Variants in LDB2 observed in about 807,000 individuals in gnomAD.
LDB2 encodes LIM domain binding 2.
LDB2 carries 12 observed loss-of-function variants against 44.3 expected under a neutral mutation model. The ratio of observed to expected loss-of-function variants is 0.27; its 90% CI spans 0.17 to 0.44. LDB2 has a LOEUF of 0.44. Among genes scored for constraint, LDB2 ranks in the 20% least tolerant of loss-of-function variants. The pLI, the probability that LDB2 is intolerant of heterozygous loss-of-function variation, is 1.00. For missense variants in LDB2, 344 were observed against 473.5 expected, an observed-to-expected ratio of 0.73 and a Z score of 2.54; for synonymous variants, 164 against 174.8, an observed-to-expected ratio of 0.94 and a Z score of 0.49.
chr4:16,644,334 C>G (rs1157445563), intron 2 of LDB2, among the ~76,000 whole-genome samples: 2 of 152,132 alleles, frequency 1.3e-5, no homozygotes, highest in Non-Finnish European at 2.9e-5. Context: ...AAGGGCTGAT[C>G]TAATGCCATT....
At chr4:16,718,744 T>G (rs1757611816) in intron 2 of LDB2, among the ~76,000 whole-genome samples, 1 of 152,164 alleles carries the variant, frequency 6.6e-6, no homozygotes, top group Admixed American at 6.6e-5. Context: ...CCAGTTTAAC[T>G]TAGAGAAATC....
intron 2 of LDB2, among the ~76,000 whole-genome samples, chr4:16,736,611 T>C (rs574704493): frequency 5.6e-4 from 86 of 152,350 alleles, no homozygotes; most frequent in Non-Finnish European, 1.1e-3. Flanking sequence ...CACAAGTGGT[T>C]GTGTGGGCAA....
chr4:16,709,894 T>G (rs1053569776), intron 2 of LDB2, among the ~76,000 whole-genome samples: 4 of 152,280 alleles, frequency 2.6e-5, no homozygotes, highest in African/African-American at 9.6e-5. Flanking sequence ...CTGGCCAATT[T>G]TACGCATCCA....
chr4:16,541,217 T>G (rs1577505254), intron 5 of LDB2, among the ~76,000 whole-genome samples: 1 of 151,626 alleles, frequency 6.6e-6, no homozygotes, highest in Non-Finnish European at 1.5e-5. Flanking sequence ...ATCATGGGGG[T>G]GGGTTTCTTA....
At chr4:16,720,429 G>T (rs1032807876) in intron 2 of LDB2, among the ~76,000 whole-genome samples, 1 of 152,078 alleles carries the variant, frequency 6.6e-6, no homozygotes, top group Non-Finnish European at 1.5e-5. Context: ...AGATTGCTAA[G>T]CCATCCCCAA....
At chr4:16,699,145 G>C (rs1752856629) in intron 2 of LDB2, among the ~76,000 whole-genome samples, 1 of 152,224 alleles carries the variant, frequency 6.6e-6, no homozygotes, top group Non-Finnish European at 1.5e-5. Context: ...AGCAGGAGAT[G>C]ATGGCATCTT....
At chr4:16,509,959 A>G (rs1361461356) in intron 6 of LDB2, among the ~76,000 whole-genome samples, 3 of 152,140 alleles carry the variant, frequency 2.0e-5, no homozygotes, top group Non-Finnish European at 4.4e-5. Context: ...TACAAAATAT[A>G]CACAGATTAG....
At chr4:16,594,731 C>T (rs1344495387) in intron 3 of LDB2, among the ~76,000 whole-genome samples, 1 of 152,170 alleles carries the variant, frequency 6.6e-6, no homozygotes, top group Admixed American at 6.5e-5. Flanking sequence ...ATACATTGGG[C>T]TTCTGCAATT....
chr4:16,622,716 T>C (rs186188352), intron 2 of LDB2, among the ~76,000 whole-genome samples: 15 of 152,344 alleles, frequency 9.8e-5, no homozygotes, highest in Non-Finnish European at 1.6e-4. Flanking sequence ...AATATTCATG[T>C]TGAATTGCTG....
At chr4:16,641,987 T>C (rs948325757) in intron 2 of LDB2, among the ~76,000 whole-genome samples, 2 of 151,862 alleles carry the variant, frequency 1.3e-5, no homozygotes, top group African/African-American at 4.8e-5. Context: ...ATAAAGAAAA[T>C]TAAGTATCCA....
intron 6 of LDB2, among the ~76,000 whole-genome samples, chr4:16,510,665 GTT>G (rs1721385879): frequency 6.6e-6 from 1 of 152,122 alleles, no homozygotes; most frequent in Non-Finnish European, 1.5e-5. Context: ...TCCTTCATTT[GTT>G]AGCCATGAGA....
intron 7 of LDB2, chr4:16,506,645 C>A (rs1048131101): frequency 2.8e-4 from 43 of 152,334 alleles, no homozygotes; most frequent in African/African-American, 1.0e-3. Flanking sequence ...CCAGACTAGA[C>A]CTTAGAATCC....
chr4:16,546,600 G>A (rs1379530244), intron 5 of LDB2, among the ~76,000 whole-genome samples: 1 of 152,200 alleles, frequency 6.6e-6, no homozygotes, highest in African/African-American at 2.4e-5. Context: ...TGGTATGACA[G>A]CACTGGCCAC....
At chr4:16,836,398 G>C (rs1392755872) in intron 1 of LDB2, among the ~76,000 whole-genome samples, 1 of 152,174 alleles carries the variant, frequency 6.6e-6, no homozygotes, top group African/African-American at 2.4e-5. Flanking sequence ...GAACATCTTA[G>C]TTACTCCCAG....
intron 2 of LDB2, among the ~76,000 whole-genome samples, chr4:16,706,230 T>A (rs1049167282): frequency 6.6e-6 from 1 of 152,152 alleles, no homozygotes; most frequent in African/African-American, 2.4e-5. Flanking sequence ...CAAATTCATA[T>A]GAGGAAGTCC....
At chr4:16,867,388 AG>A (rs1715068021) in intron 1 of LDB2, among the ~76,000 whole-genome samples, 1 of 152,230 alleles carries the variant, frequency 6.6e-6, no homozygotes, top group African/African-American at 2.4e-5. Context: ...TATTAATTAA[AG>A]GCCCTGCTCA....
rs74527796 is a variant in LDB2 at position 16,525,034 on chromosome 4, T to C, written c.616-12930A>G. On this transcript the variant is annotated intron_variant, in intron 5 of 7. Coordinates refer to ENST00000304523, the MANE Select transcript of LDB2 (RefSeq NM_001290.5). ...AATAAGGGAATTTGGATATGTTCCT[T>C]GAGAGCTGTCAGTGACAGTTTCCAA... Among the ~76,000 whole-genome samples the C allele has an allele frequency of 9.8e-3, 1,486 of 152,330 alleles. 29 individuals carry two copies. The highest frequency in any genetic ancestry group is 0.034 in the African/African-American group (1,413 of 41,568).
chr4:16,742,898 T>C (rs1246055403), intron 2 of LDB2, among the ~76,000 whole-genome samples: 4 of 152,174 alleles, frequency 2.6e-5, no homozygotes, highest in East Asian at 3.9e-4. Context: ...TTCTGCCTAC[T>C]CAAATCATAC....
At chr4:16,723,410 G>C (rs1013355594) in intron 2 of LDB2, among the ~76,000 whole-genome samples, 3 of 152,102 alleles carry the variant, frequency 2.0e-5, no homozygotes, top group African/African-American at 7.2e-5. Flanking sequence ...CCCAGGATAA[G>C]AGACCCACTC....
Sources: allele counts gnomAD v4.1 joint callset (sites outside exome capture counted in the v4.1 genomes callset), GRCh38; gene constraint gnomAD v4.1.1; transcripts MANE v1.5; gene names NCBI Gene and HGNC (gene_info 2026-07-23, HGNC 2026-07-21).